Variants in CCDC60 observed in about 807,000 individuals in gnomAD.
CCDC60 encodes coiled-coil domain-containing protein 60.
Under a neutral mutation model 63.5 loss-of-function variants are expected in CCDC60, and 54 were observed. The observed-to-expected ratio is 0.85, with a 90% CI of 0.68 to 1.07. The LOEUF (loss-of-function observed/expected upper bound fraction) is 1.07, where lower values mean the gene tolerates loss of function less well. Ranked by LOEUF, CCDC60 falls within the 50% of genes least tolerant of loss-of-function variation. The pLI is 0.00. For missense variants in CCDC60, 651 were observed against 684.3 expected (o/e 0.95, Z 0.54); for synonymous variants, 206 against 238.8 (o/e 0.86, Z 1.27).
At chr12:119,415,294 G>T (rs778974430) in intron 1 of CCDC60, among the ~76,000 whole-genome samples, 1 of 152,208 alleles carries the variant, frequency 6.6e-6, no homozygotes, top group Non-Finnish European at 1.5e-5. Context: ...AAAGTGAACT[G>T]ATAGCACAAA....
At chr12:119,473,600 C>T (rs182770300) in intron 3 of CCDC60, among the ~76,000 whole-genome samples, 71 of 152,234 alleles carry the variant, frequency 4.7e-4, no homozygotes, top group African/African-American at 1.5e-3. Flanking sequence ...TTATCCCTCA[C>T]CCTCCTCCCA....
At chr12:119,354,890 T>C (rs1268698231) in intron 1 of CCDC60, among the ~76,000 whole-genome samples, 3 of 152,098 alleles carry the variant, frequency 2.0e-5, no homozygotes, top group East Asian at 1.9e-4. Context: ...TCCAAACCAA[T>C]AGATTCTCCC....
chr12:119,404,424 T>C (rs1956448616), intron 1 of CCDC60, among the ~76,000 whole-genome samples: 1 of 152,212 alleles, frequency 6.6e-6, no homozygotes, highest in Non-Finnish European at 1.5e-5. Flanking sequence ...TGCTTAATTA[T>C]CTGCCTACCT....
In CCDC60 at chr12:119,334,988, C is replaced by G; in HGVS notation, c.-189C>G. On this transcript the variant is annotated 5_prime_UTR_variant, in exon 1 of 14. Transcript: ENST00000327554. The stretch of plus-strand genomic sequence containing the variant: ...TCTGCCCTACCCGGACTTCCTTATC[C>G]CGTCTGTGGGAGACCCAGGTGCTTT... The G allele has an allele frequency of 3.9e-6, 2 of 506,514 alleles. No homozygotes were observed. The highest frequency in any genetic ancestry group is 3.5e-6 in the Non-Finnish European group (1 of 286,574). 31.4% of individuals were successfully genotyped at this position (506,514 alleles called of 1,614,324 possible).
At chr12:119,383,549 G>C (rs1956030272) in intron 1 of CCDC60, among the ~76,000 whole-genome samples, 1 of 152,236 alleles carries the variant, frequency 6.6e-6, no homozygotes, top group Non-Finnish European at 1.5e-5. Flanking sequence ...CGACAGCTAT[G>C]ATGGGCTGTG....
intron 11 of CCDC60, among the ~76,000 whole-genome samples, chr12:119,525,116 G>C (rs945107156): frequency 1.3e-5 from 2 of 152,158 alleles, no homozygotes; most frequent in Non-Finnish European, 2.9e-5. Flanking sequence ...TTATTTTGTA[G>C]ATGATAAAAG....
At chr12:119,446,818 G>A (rs535933865) in intron 2 of CCDC60, among the ~76,000 whole-genome samples, 1 of 152,106 alleles carries the variant, frequency 6.6e-6, no homozygotes, top group African/African-American at 2.4e-5. Flanking sequence ...TTTTGGTCTA[G>A]AAAAGATAAT....
intron 2 of CCDC60, among the ~76,000 whole-genome samples, chr12:119,468,711 T>G (rs555911079): frequency 6.6e-6 from 1 of 152,224 alleles, no homozygotes; most frequent in Non-Finnish European, 1.5e-5. Context: ...AAATTTAACA[T>G]AACAAAATAA....
chr12:119,395,430 C>T (rs994261016), intron 1 of CCDC60, among the ~76,000 whole-genome samples: 1 of 152,138 alleles, frequency 6.6e-6, no homozygotes, highest in Admixed American at 6.6e-5. Context: ...GGGAAGCAGA[C>T]CCGTCTTACC....
rs765854055 is a variant in CCDC60, at chr12:119,520,145, CAA to C, written c.994_995del (p.Lys332GlufsTer2). The C allele has an allele frequency of 6.2e-7, 1 of 1,613,842 alleles. No individual in the cohort carries two copies. Among genetic ancestry groups the C allele is most frequent in the Non-Finnish European group, 8.5e-7 (1 of 1,179,908 alleles). On this transcript the variant is annotated frameshift_variant, in exon 9 of 14. Coordinates refer to ENST00000327554, the MANE Select transcript of CCDC60 (RefSeq NM_178499.5). LOFTEE classifies it high-confidence loss of function. Reference sequence around the variant, plus strand: ...GCATCTTGTCAGTGCTGAAACAAAACAAGAGTAATTCTGCTTATAAGGAAATG... The same window carrying C: ...GCATCTTGTCAGTGCTGAAACAAAACGAGTAATTCTGCTTATAAGGAAATG... Reference protein sequence around the residue: ...PSILSVLKQNKSNSAYKEMQT... With the variant: ...PSILSVLKQNXSNSAYKEMQT...
intron 12 of CCDC60, among the ~76,000 whole-genome samples, chr12:119,530,569 A>G (rs1332871453): frequency 1.3e-5 from 2 of 152,246 alleles, no homozygotes; most frequent in African/African-American, 2.4e-5. Flanking sequence ...GAAGTTTCAG[A>G]TCCCAAAGTC....
intron 2 of CCDC60, among the ~76,000 whole-genome samples, chr12:119,465,835 G>A (rs953243751): frequency 6.6e-6 from 1 of 151,978 alleles, no homozygotes; most frequent in Admixed American, 6.5e-5. Flanking sequence ...TTGGGCTTGT[G>A]TTTTCTCCAG....
chr12:119,460,201 T>A (rs545696158), intron 2 of CCDC60, among the ~76,000 whole-genome samples: 60 of 152,298 alleles, frequency 3.9e-4, no homozygotes, highest in African/African-American at 1.4e-3. Flanking sequence ...ACAGAGAATA[T>A]CAGAAAATTG....
chr12:119,459,184 C>T (rs1272535225), intron 2 of CCDC60, among the ~76,000 whole-genome samples: 2 of 152,086 alleles, frequency 1.3e-5, no homozygotes, highest in Non-Finnish European at 2.9e-5. Flanking sequence ...GAAAGAGTTC[C>T]TTTCAATAGT....
chr12:119,480,953 C>CCATCAT (rs1248452454), intron 4 of CCDC60, among the ~76,000 whole-genome samples: 15 of 141,246 alleles, frequency 1.1e-4, no homozygotes, highest in African/African-American at 3.5e-4. Flanking sequence ...ACCATCATCA[C>CCATCAT]CATCATCACC....
chr12:119,346,841 T>A (rs976203430), intron 1 of CCDC60, among the ~76,000 whole-genome samples: 1 of 148,884 alleles, frequency 6.7e-6, no homozygotes, highest in African/African-American at 2.5e-5. Flanking sequence ...TCTTTTTTTT[T>A]TGAGACAGAG....
At chr12:119,390,962 C>A (rs1384544107) in intron 1 of CCDC60, among the ~76,000 whole-genome samples, 1 of 152,252 alleles carries the variant, frequency 6.6e-6, no homozygotes, top group Non-Finnish European at 1.5e-5. Context: ...TAACCTCAGG[C>A]CACCTAGTCA....
chr12:119,418,540 G>C (rs1467357866), intron 1 of CCDC60, among the ~76,000 whole-genome samples: 2 of 150,998 alleles, frequency 1.3e-5, no homozygotes, highest in Admixed American at 6.6e-5. Context: ...TCAGCCTCCT[G>C]AGTAGCTGGG....
At chr12:119,430,240 A>C (rs1258791875) in intron 2 of CCDC60, among the ~76,000 whole-genome samples, 2 of 151,970 alleles carry the variant, frequency 1.3e-5, no homozygotes, top group African/African-American at 4.8e-5. Context: ...TGAAACCCTA[A>C]GCCCCAATGT....
Sources: gnomAD v4.1 joint callset for allele counts (sites outside exome capture counted in the v4.1 genomes callset) on GRCh38, gnomAD v4.1.1 for gene constraint, MANE v1.5 for transcripts, NCBI Gene and HGNC (gene_info 2026-07-23, HGNC 2026-07-21) for gene names.